NPAT: variants seen among roughly 807,000 people sequenced by gnomAD.
The protein encoded by NPAT is nuclear protein, coactivator of histone transcription.
In NPAT, 52 loss-of-function variants were observed where a neutral mutation model predicts 130.7. The observed-to-expected ratio is 0.40, with a 90% CI of 0.32 to 0.50. The LOEUF (loss-of-function observed/expected upper bound fraction) is 0.50. Ranked by LOEUF, NPAT falls within the 20% of genes least tolerant of loss-of-function variation. The probability of loss-of-function intolerance (pLI) is 0.68; values close to 1 mark genes in which losing one functional copy is unlikely to be tolerated. For synonymous variants in NPAT, 580 were observed against 584.8 expected, an observed-to-expected ratio of 0.99 and a Z score of 0.12; for missense variants, 1,687 against 1,662.6, an observed-to-expected ratio of 1.01 and a Z score of -0.26.
intron 1 of NPAT, among the ~76,000 whole-genome samples, chr11:108,214,782 GC>G (rs951855502): frequency 6.6e-6 from 1 of 151,962 alleles, no homozygotes; most frequent in African/African-American, 2.4e-5. Flanking sequence ...ACAGACGCCT[GC>G]CACCATGCCT....
At chr11:108,197,930 C>G (rs2078239581) in intron 1 of NPAT, among the ~76,000 whole-genome samples, 1 of 152,198 alleles carries the variant, frequency 6.6e-6, no homozygotes, top group South Asian at 2.1e-4. Flanking sequence ...AATTTATGCC[C>G]TTTGGGAATC....
At chr11:108,183,913 G>T (rs1056452652) in intron 10 of NPAT, among the ~76,000 whole-genome samples, 2 of 151,842 alleles carry the variant, frequency 1.3e-5, no homozygotes, top group African/African-American at 4.8e-5. Context: ...GATCAAGGCT[G>T]CTGTGAGCCG....
intron 1 of NPAT, among the ~76,000 whole-genome samples, chr11:108,198,586 TTC>T (rs2078246307): frequency 6.6e-6 from 1 of 152,160 alleles, no homozygotes; most frequent in Non-Finnish European, 1.5e-5. Context: ...GGACTGCCAG[TTC>T]TGTGTAGAGC....
chr11:108,159,881 G>A (rs2077828921), intron 17 of NPAT, among the ~76,000 whole-genome samples: 1 of 151,230 alleles, frequency 6.6e-6, no homozygotes, highest in South Asian at 2.1e-4. Flanking sequence ...GACCAGGCGT[G>A]GTGGCTCATG....
intron 15 of NPAT, among the ~76,000 whole-genome samples, chr11:108,164,124 T>C (rs2077878867): frequency 6.6e-6 from 1 of 152,214 alleles, no homozygotes; most frequent in Non-Finnish European, 1.5e-5. Flanking sequence ...AAGTGAAGTT[T>C]AATACTGGTA....
At chr11:108,200,543 G>A (rs2078265803) in intron 1 of NPAT, among the ~76,000 whole-genome samples, 1 of 152,114 alleles carries the variant, frequency 6.6e-6, no homozygotes, top group South Asian at 2.1e-4. Flanking sequence ...GAAAATTGGT[G>A]CAGCCACAAC....
At chr11:108,171,915 T>C in intron 13 of NPAT, 1 of 378,608 alleles carries the variant, frequency 2.6e-6, no homozygotes, top group Non-Finnish European at 4.8e-6. Flanking sequence ...TGTGATGAAT[T>C]AGTCTGTCTT....
intron 2 of NPAT, among the ~76,000 whole-genome samples, chr11:108,194,568 C>T (rs1240983623): frequency 6.6e-6 from 1 of 152,188 alleles, no homozygotes; most frequent in Non-Finnish European, 1.5e-5. Context: ...CTTTCTATTG[C>T]TGAGTAGTGG....
Position 108,222,544 on chromosome 11 carries a change from A to C in NPAT, c.-8T>G. ...GTCCGAGGGTAACAACATGATCAAA[A>C]CCACAGCAGGAACCACAATAAGGAA... On this transcript the variant is annotated 5_prime_UTR_variant, in exon 1 of 18. Transcript: ENST00000278612. 6.2e-7 allele frequency: 1 copy of C among 1,613,850 alleles called. No homozygotes were observed. The highest frequency in any genetic ancestry group is 2.2e-5 in the East Asian group (1 of 44,872).
At position 108,200,172 on chromosome 11, in the gene NPAT, A is replaced by C. The variant is rs1460997510; in HGVS notation, c.38-2752T>G. On this transcript the variant is annotated intron_variant, in intron 1 of 17. Transcript: ENST00000278612. ...TTAAGTTGTTTCCGCCCCCGCAATC[A>C]TGTCAGGAGTCAGCACAGTCCTATG... 2.6e-5 allele frequency among the ~76,000 whole-genome samples: 4 copies of C among 152,182 alleles called. No homozygotes were observed. The East Asian group carries it at 7.7e-4, about 29-fold the overall frequency.
Position 108,158,098 on chromosome 11 carries a change from A to G in NPAT, c.*844T>C, listed in dbSNP as rs1394562746. Reference sequence around the variant, plus strand: ...TTAAATTATATGTGCATTGGTCACTACAATGTAAAGAGTTCTATGAATTAG... The same window carrying G: ...TTAAATTATATGTGCATTGGTCACTGCAATGTAAAGAGTTCTATGAATTAG... On this transcript the variant is annotated 3_prime_UTR_variant, in exon 18 of 18. Transcript: ENST00000278612. 6.6e-6 allele frequency: 1 copy of G among 152,470 alleles called. No homozygotes were observed. The highest frequency in any genetic ancestry group is 1.5e-5 in the Non-Finnish European group (1 of 67,948). The allele number at this position is 152,470 out of a possible 1,614,324, so 9.4% of individuals were successfully genotyped here.
chr11:108,218,039 T>A (rs2078449987), intron 1 of NPAT, among the ~76,000 whole-genome samples: 1 of 152,160 alleles, frequency 6.6e-6, no homozygotes, highest in Non-Finnish European at 1.5e-5. Flanking sequence ...GCACTAATCA[T>A]CTCTTATCAG....
intron 10 of NPAT, among the ~76,000 whole-genome samples, chr11:108,182,355 C>G (rs985696529): frequency 1.3e-5 from 2 of 152,192 alleles, no homozygotes; most frequent in Admixed American, 6.5e-5. Context: ...AGCATCATGA[C>G]CCCTGGAATT....
chr11:108,175,362 G>T (rs1278471239), intron 12 of NPAT, among the ~76,000 whole-genome samples: 1 of 152,150 alleles, frequency 6.6e-6, no homozygotes, highest in Admixed American at 6.6e-5. Flanking sequence ...GATAAGGGGG[G>T]ACTACTCTAA....
At chr11:108,169,676 T>A in intron 15 of NPAT, 68 bp downstream of exon 15, 1 of 1,111,818 alleles carries the variant, frequency 9.0e-7, no homozygotes, top group Admixed American at 1.7e-5. Context: ...AAGAAAACAT[T>A]TAGGTGTTGC....
At chr11:108,190,648 T>A in intron 4 of NPAT, 148 bp from the exon 5 acceptor site, 1 of 714,240 alleles carries the variant, frequency 1.4e-6, no homozygotes, top group Non-Finnish European at 2.5e-6. Context: ...ACACATTTTT[T>A]GGGCAAGCAA....
intron 12 of NPAT, among the ~76,000 whole-genome samples, chr11:108,175,906 T>C (rs1242971326): frequency 6.6e-6 from 1 of 152,212 alleles, no homozygotes; most frequent in East Asian, 1.9e-4. Flanking sequence ...CCTGTAATGC[T>C]ACCTCTGCTT....
chr11:108,183,445 T>C (rs1217700883), intron 10 of NPAT, among the ~76,000 whole-genome samples: 1 of 152,194 alleles, frequency 6.6e-6, no homozygotes, highest in East Asian at 1.9e-4. Flanking sequence ...ATAAAAATAT[T>C]TCTATTGTCC....
Position 108,176,995 on chromosome 11 carries a change from A to G in NPAT, c.1002T>C (p.Tyr334=). The stretch of plus-strand genomic sequence containing the variant: ...TCTTGAAATAAATAGTCTCCTTACC[A>G]TAGTCAAAGAGATCAAAGAGTGCCT... The part of the protein sequence containing the change: ...AFQALFDLFD[Y]GKTKNNKNIS... The change falls in exon 11 of 18, where the codon TAT becomes TAC. Residue 334 remains tyrosine (Y), a splice_region_variant and synonymous_variant. Transcript: ENST00000278612. 1.3e-6 allele frequency: 2 copies of G among 1,591,072 alleles called. No homozygotes were observed. Among genetic ancestry groups the G allele is most frequent in the Admixed American group, 3.3e-5 (2 of 59,984 alleles).
Sources: allele counts gnomAD v4.1 joint callset (sites outside exome capture counted in the v4.1 genomes callset), GRCh38; gene constraint gnomAD v4.1.1; transcripts MANE v1.5; gene names NCBI Gene and HGNC (gene_info 2026-07-23, HGNC 2026-07-21).